Variants in MDN1 observed in about 807,000 individuals in gnomAD.
MDN1 encodes midasin AAA ATPase 1.
A neutral mutation model predicts 669.2 loss-of-function variants in MDN1; 266 were observed. The ratio of observed to expected loss-of-function variants is 0.40; its 90% CI spans 0.36 to 0.44. The LOEUF (loss-of-function observed/expected upper bound fraction) is 0.44, where lower values mean the gene tolerates loss of function less well. Ranked by LOEUF, MDN1 falls within the 20% of genes least tolerant of loss-of-function variation. The pLI, the probability that MDN1 is intolerant of heterozygous loss-of-function variation, is 1.00. For missense variants in MDN1, 5,940 were observed against 6,754.0 expected (o/e 0.88, Z 4.22); for synonymous variants, 2,385 against 2,457.1 (o/e 0.97, Z 0.87).
At chr6:89,751,668 G>A in intron 22 of MDN1, 86 bp from the exon 23 acceptor site, 5 of 1,400,098 alleles carry the variant, frequency 3.6e-6, no homozygotes, top group Non-Finnish European at 4.9e-6. Context: ...GCCACTTGTT[G>A]AACAAGCTGT....
chr6:89,648,795 A>G (rs964922143), intron 97 of MDN1, among the ~76,000 whole-genome samples: 6 of 123,904 alleles, frequency 4.8e-5, no homozygotes, highest in Admixed American at 9.5e-5. Flanking sequence ...ACAGAGTGAA[A>G]CCCTGTAACC....
chr6:89,810,954 A>G (rs542245037), intron 1 of MDN1, among the ~76,000 whole-genome samples: 1 of 152,310 alleles, frequency 6.6e-6, no homozygotes, highest in South Asian at 2.1e-4. Flanking sequence ...GCACCACTGC[A>G]CTCAAGCCTG....
Position 89,696,348 on chromosome 6 carries a change from G to A in MDN1, c.9383+12C>T, listed in dbSNP as rs1245563826. The A allele has an allele frequency of 6.2e-7, 1 of 1,612,736 alleles. No individual in the cohort carries two copies. Among genetic ancestry groups the A allele is most frequent in the South Asian group, 1.1e-5 (1 of 90,894 alleles). On this transcript the variant is annotated intron_variant, in intron 60 of 101. Transcript: ENST00000369393. ...AGGAACTTTACAGTCTGCTTCCAGG[G>A]CGAGGGAATACCTGAATTCTGCTAC...
intron 13 of MDN1, among the ~76,000 whole-genome samples, chr6:89,773,632 T>C (rs1314212312): frequency 6.6e-6 from 1 of 150,732 alleles, no homozygotes; most frequent in East Asian, 1.9e-4. Context: ...GTGATACAAC[T>C]ACAAGCCAAG....
intron 93 of MDN1, 110 bp from the exon 94 acceptor site, chr6:89,653,265 T>G: frequency 9.7e-7 from 1 of 1,036,212 alleles, no homozygotes; most frequent in Non-Finnish European, 1.4e-6. Flanking sequence ...ATTCATTCAC[T>G]CTCCAACACA....
At chr6:89,673,545 T>TA in intron 79 of MDN1, 83 bp from the exon 80 acceptor site, 1 of 1,211,288 alleles carries the variant, frequency 8.3e-7, no homozygotes, top group Non-Finnish European at 1.2e-6. Flanking sequence ...CACTACAAGA[T>TA]ATGCAAGGTA....
intron 37 of MDN1, among the ~76,000 whole-genome samples, chr6:89,725,676 T>C (rs1195446325): frequency 6.6e-6 from 1 of 150,788 alleles, no homozygotes; most frequent in Non-Finnish European, 1.5e-5. Context: ...GCTCAAGAGA[T>C]CCTCCCATCT....
intron 23 of MDN1, 128 bp downstream of exon 23, chr6:89,751,303 G>T: frequency 1.6e-6 from 2 of 1,215,214 alleles, no homozygotes; most frequent in Non-Finnish European, 2.3e-6. Flanking sequence ...ACTGACTTTT[G>T]TAAGTAATTG....
intron 55 of MDN1, among the ~76,000 whole-genome samples, chr6:89,701,224 A>T (rs556814705): frequency 6.6e-6 from 1 of 152,372 alleles, no homozygotes; most frequent in South Asian, 2.1e-4. Flanking sequence ...GGACTTTTTT[A>T]TCTTGTCATT....
At position 89,674,471 on chromosome 6, in the gene MDN1, C is replaced by G. The variant is rs1177504508; in HGVS notation, c.12880G>C (p.Ala4294Pro). 6.2e-7 allele frequency: 1 copy of G among 1,613,588 alleles called. No homozygotes were observed. The highest frequency in any genetic ancestry group is 1.7e-5 in the Admixed American group (1 of 60,008). ...QQWTERLQHL[A>P]MQCQILLEQL... Reference sequence around the variant, plus strand: ...TCAAGCAGGATCTGGCACTGCATGGCCAGGTGCTGCAGGCGCTCTGTCCAC... The same window carrying G: ...TCAAGCAGGATCTGGCACTGCATGGGCAGGTGCTGCAGGCGCTCTGTCCAC... Residue 4294 changes from alanine to proline, a missense_variant, in exon 79 of 102, where the codon GCC becomes CCC. Ala to Pro is a conservative substitution (Grantham distance 27). Coordinates refer to ENST00000369393, the MANE Select transcript of MDN1 (RefSeq NM_014611.3).
At chr6:89,658,136 G>A in intron 90 of MDN1, 73 bp downstream of exon 90, 1 of 1,563,886 alleles carries the variant, frequency 6.4e-7, no homozygotes. Flanking sequence ...ATGCTACACA[G>A]AATGTGATGT....
chr6:89,715,365 T>C (rs1390624242), intron 45 of MDN1, among the ~76,000 whole-genome samples: 1 of 152,180 alleles, frequency 6.6e-6, no homozygotes, highest in Non-Finnish European at 1.5e-5. Context: ...CTGTGATGTG[T>C]TGCCTAAATT....
chr6:89,671,253 TCA>T (rs1810734892), intron 82 of MDN1, among the ~76,000 whole-genome samples, 173 bp from the exon 83 acceptor site: 1 of 152,174 alleles, frequency 6.6e-6, no homozygotes, highest in Non-Finnish European at 1.5e-5. Context: ...TACACACAGC[TCA>T]CTGAGATTTC....
At chr6:89,735,184 G>C (rs917675309) in intron 33 of MDN1, among the ~76,000 whole-genome samples, 1 of 151,844 alleles carries the variant, frequency 6.6e-6, no homozygotes, top group Admixed American at 6.6e-5. Context: ...GAAAGCACCC[G>C]GCCAATAGTT....
intron 45 of MDN1, 61 bp downstream of exon 45, chr6:89,715,592 C>T (rs1244250657): frequency 6.1e-6 from 6 of 991,010 alleles, no homozygotes; most frequent in African/African-American, 3.2e-5. Context: ...TCCTACTGAA[C>T]GTCTACCTCT....
intron 5 of MDN1, among the ~76,000 whole-genome samples, chr6:89,791,152 G>C (rs547052275): frequency 6.6e-6 from 1 of 152,152 alleles, no homozygotes; most frequent in Non-Finnish European, 1.5e-5. Flanking sequence ...GTTGGCAAAT[G>C]TAAGAAAATC....
intron 32 of MDN1, 74 bp from the exon 33 acceptor site, chr6:89,738,529 T>A: frequency 6.6e-7 from 1 of 1,521,620 alleles, no homozygotes; most frequent in Non-Finnish European, 9.0e-7. Context: ...CTTGAAAGAA[T>A]GTTGTTAGCT....
intron 20 of MDN1, among the ~76,000 whole-genome samples, chr6:89,755,408 C>G (rs1817197692): frequency 6.7e-6 from 1 of 149,358 alleles, no homozygotes; most frequent in Admixed American, 6.7e-5. Context: ...AATAGAACTC[C>G]AAGTCTTCAT....
At chr6:89,802,899 T>G (rs764619591) in intron 2 of MDN1, among the ~76,000 whole-genome samples, 1 of 152,180 alleles carries the variant, frequency 6.6e-6, no homozygotes, top group African/African-American at 2.4e-5. Context: ...GTATACTAAT[T>G]CAGATAGATT....
Sources: allele counts gnomAD v4.1 joint callset (sites outside exome capture counted in the v4.1 genomes callset), GRCh38; gene constraint gnomAD v4.1.1; transcripts MANE v1.5; gene names NCBI Gene and HGNC (gene_info 2026-07-23, HGNC 2026-07-21).